The following KIFC3 variants were observed in gnomAD, a reference collection of about 807,000 sequenced individuals.
KIFC3 encodes the protein kinesin family member C3.
KIFC3 carries 60 observed loss-of-function variants against 101.8 expected under a neutral mutation model. That is an observed-to-expected ratio of 0.59 (90% CI 0.48 to 0.73). KIFC3 has a LOEUF of 0.73. Ranked by LOEUF, KIFC3 falls within the 30% of genes least tolerant of loss-of-function variation. The pLI is 0.00. For missense variants in KIFC3, 966 were observed against 1,137.1 expected, an observed-to-expected ratio of 0.85 and a Z score of 2.16; for synonymous variants, 476 against 482.7, an observed-to-expected ratio of 0.99 and a Z score of 0.18.
chr16:57,779,983 T>C (rs1375648684), intron 3 of KIFC3: 2 of 152,134 alleles, frequency 1.3e-5, no homozygotes, highest in East Asian at 1.9e-4. Context: ...AGTGAGCACA[T>C]GAAGGGCAAA....
chr16:57,782,116 G>A (rs79353834), intron 3 of KIFC3: 28,339 of 985,506 alleles, frequency 0.029, 430 homozygotes, highest in Non-Finnish European at 0.032. Context: ...AGGCCAGCAG[G>A]AGACCAGGGC....
chr16:57,770,230 T>C (rs971926778), intron 7 of KIFC3, among the ~76,000 whole-genome samples: 1 of 152,220 alleles, frequency 6.6e-6, no homozygotes, highest in South Asian at 2.1e-4. Flanking sequence ...GTGATGACAG[T>C]GACAAGTGCC....
At chr16:57,802,771 G>T (rs781881855), upstream of KIFC3, 123 of 740,256 alleles carry the variant, frequency 1.7e-4, no homozygotes, top group Non-Finnish European at 2.6e-4. This position sits in a 1 kb window ranked among gnomAD's most constrained non-coding sequence, Gnocchi z 5.0. Flanking sequence ...CACAAAACAG[G>T]CCTGCACACG....
chr16:57,798,875 T>C (rs904794113), intron 1 of KIFC3, among the ~76,000 whole-genome samples: 3 of 152,234 alleles, frequency 2.0e-5, no homozygotes, highest in Non-Finnish European at 4.4e-5. Context: ...GTGCCTAGCA[T>C]GTGGCAGGCA....
intron 1 of KIFC3, among the ~76,000 whole-genome samples, chr16:57,818,962 G>T (rs1555629436): frequency 6.6e-6 from 1 of 152,174 alleles, no homozygotes; most frequent in East Asian, 1.9e-4. Flanking sequence ...GAAAATCCAA[G>T]AATCCAGGGG....
At chr16:57,804,410 C>T (rs1338820470), upstream of KIFC3, among the ~76,000 whole-genome samples, 1 of 152,186 alleles carries the variant, frequency 6.6e-6, no homozygotes, top group African/African-American at 2.4e-5. Flanking sequence ...TTCACAAATG[C>T]AGTGTGTGAT....
chr16:57,782,239 G>T, intron 3 of KIFC3: 1 of 739,314 alleles, frequency 1.4e-6, no homozygotes, highest in Non-Finnish European at 1.7e-6. Flanking sequence ...GTGAGCCCCA[G>T]TTTAGAGACT....
rs60801056 is a variant in KIFC3, at chr16:57,860,047, TAAA to T, written c.108+2679_108+2681del. 5.1e-3 allele frequency among the ~76,000 whole-genome samples: 702 copies of T among 136,430 alleles called. 4 individuals carry two copies. Among genetic ancestry groups the T allele is most frequent in the African/African-American group, 0.015 (573 of 38,080 alleles). 89.5% of individuals were successfully genotyped at this position (136,430 alleles called of 152,430 possible). On this transcript the variant is annotated intron_variant, in intron 1 of 2. Transcript: ENST00000563028. ...AAAAATAAAATAAAATAAAATAAAA[TAAA>T]ATAAAATAAAATAAAATAAAATAAA...
rs1239544908 is a variant in KIFC3, at chr16:57,758,451, G to A, written c.*483C>T. 3 of 382,356 alleles carry A rather than the reference G, an allele frequency of 7.8e-6. No homozygotes were observed. The highest frequency in any genetic ancestry group is 1.5e-5 in the Non-Finnish European group (3 of 197,942). The allele number at this position is 382,356 out of a possible 1,614,324, so 23.7% of individuals were successfully genotyped here. A position where few individuals can be genotyped will look rare whatever the true frequency, so the allele number is the denominator to read the frequency against. ...CCAGCTGCGGGAACCCTCCTTGAAG[G>A]AGAGGGGCGGGGAGGGCTGCCATTG... On this transcript the variant is annotated 3_prime_UTR_variant, in exon 20 of 20. Transcript: ENST00000445690.
upstream of KIFC3, among the ~76,000 whole-genome samples, chr16:57,806,792 T>C (rs1265606300): frequency 2.0e-5 from 3 of 152,266 alleles, no homozygotes; most frequent in Non-Finnish European, 4.4e-5. Context: ...AGAACATTTA[T>C]TGAAGTTGGA....
upstream of KIFC3, among the ~76,000 whole-genome samples, chr16:57,805,829 C>A (rs1555626818): frequency 1.3e-5 from 2 of 152,176 alleles, no homozygotes; most frequent in African/African-American, 2.4e-5. Flanking sequence ...GCATGCGCCA[C>A]CACGCCCAGC....
rs146437507 is a variant in KIFC3, at chr16:57,769,990, G to A, written c.940-35C>T. The A allele has an allele frequency of 6.3e-6, 10 of 1,596,076 alleles. No homozygotes were observed. The African/African-American group carries it at 9.4e-5, about 15-fold the overall frequency. On this transcript the variant is annotated intron_variant, in intron 7 of 19. Transcript: ENST00000445690. The surrounding 1 kb of genome is among the most constrained non-coding windows in gnomAD (Gnocchi z 4.3). The stretch of plus-strand genomic sequence containing the variant: ...CCAGGAAAAGGCTCAGTACCTCGAG[G>A]TGCGGGAGAGAGAGGGGCAGGTGCC...
chr16:57,819,067 C>T (rs1463956884), intron 1 of KIFC3, among the ~76,000 whole-genome samples: 1 of 149,952 alleles, frequency 6.7e-6, no homozygotes, highest in African/African-American at 2.4e-5. Context: ...CAAGAAGGGA[C>T]GAGATACAGG....
At chr16:57,774,874 CTGACA>C in intron 3 of KIFC3, 1 of 1,392,276 alleles carries the variant, frequency 7.2e-7, no homozygotes, top group Non-Finnish European at 9.3e-7. Context: ...TCTCCCTACC[CTGACA>C]TAAGTGAACT....
chr16:57,781,994 T>C, intron 3 of KIFC3: 1 of 985,410 alleles, frequency 1.0e-6, no homozygotes, highest in Non-Finnish European at 1.2e-6. Flanking sequence ...TGGATAGGGC[T>C]GGAAACACGG....
chr16:57,758,955 G>A lies in KIFC3; in HGVS notation c.*25-46C>T, dbSNP rs782484051. The A allele has an allele frequency of 2.6e-6, 4 of 1,539,532 alleles. No individual in the cohort carries two copies. The Admixed American group carries it at 8.1e-5, about 31-fold the overall frequency. Reference sequence around the variant, plus strand: ...CAGCCTCTTGTCCACTTGCCCACCGGCAGCCCACAGCAGTTGCCACCGAGA... The same window carrying A: ...CAGCCTCTTGTCCACTTGCCCACCGACAGCCCACAGCAGTTGCCACCGAGA... On this transcript the variant is annotated intron_variant, in intron 19 of 19. Coordinates refer to ENST00000445690, the MANE Select transcript of KIFC3 (RefSeq NM_001130100.2).
At chr16:57,773,193 C>T (rs2051514156) in intron 3 of KIFC3, among the ~76,000 whole-genome samples, 1 of 152,202 alleles carries the variant, frequency 6.6e-6, no homozygotes. Flanking sequence ...GCAACCCCCA[C>T]CTCGGGAAAG....
In KIFC3 at chr16:57,759,049, G is replaced by A. The variant is rs114396501; in HGVS notation, c.*24+76C>T. On this transcript the variant is annotated intron_variant, in intron 19 of 19. Transcript: ENST00000445690. ...GGGCTAGACCCAGCTCTGAACAGCA[G>A]AACGTCCCAGCGCAGCCCTGCAACC... 421 of 1,539,996 alleles carry A rather than the reference G, an allele frequency of 2.7e-4. 5 individuals carry two copies. In the African/African-American group the frequency reaches 4.1e-3, roughly 15 times the overall value.
At chr16:57,785,923 T>C (rs2053271479) in intron 3 of KIFC3, among the ~76,000 whole-genome samples, 1 of 152,060 alleles carries the variant, frequency 6.6e-6, no homozygotes, top group Non-Finnish European at 1.5e-5. Context: ...CAATTTTCAC[T>C]GAATACGGCT....
Sources: gnomAD v4.1 joint callset for allele counts (sites outside exome capture counted in the v4.1 genomes callset) on GRCh38, gnomAD v4.1.1 for gene constraint, Gnocchi (gnomAD v3.1) non-coding constraint, MANE v1.5 for transcripts, NCBI Gene and HGNC (gene_info 2026-07-23, HGNC 2026-07-21) for gene names.